The following RBFOX1 variants were observed in gnomAD, a reference collection of about 807,000 sequenced individuals.
The protein encoded by RBFOX1 is RNA binding protein fox-1 homolog 1.
RBFOX1 carries 8 observed loss-of-function variants against 57.7 expected under a neutral mutation model. The ratio of observed to expected loss-of-function variants is 0.14; its 90% CI spans 0.08 to 0.25. RBFOX1 has a LOEUF of 0.25. Among genes scored for constraint, RBFOX1 ranks in the 10% least tolerant of loss-of-function variants. The pLI is 1.00. For missense variants in RBFOX1, 611 were observed against 548.5 expected, an observed-to-expected ratio of 1.11 and a Z score of -1.14; for synonymous variants, 326 against 222.4, an observed-to-expected ratio of 1.47 and a Z score of -4.15.
intron 3 of RBFOX1, among the ~76,000 whole-genome samples, chr16:6,848,133 C>T (rs946147184): frequency 6.6e-6 from 1 of 151,952 alleles, no homozygotes; most frequent in African/African-American, 2.4e-5. Flanking sequence ...GTGCCCGATC[C>T]AAGACTGTCT....
intron 11 of RBFOX1, among the ~76,000 whole-genome samples, chr16:7,634,566 A>G (rs1596995332): frequency 6.6e-6 from 1 of 152,210 alleles, no homozygotes; most frequent in African/African-American, 2.4e-5. Context: ...TTTGCATAAC[A>G]GTGAGGTTTT....
At chr16:6,863,670 T>TTA (rs1555543044) in intron 3 of RBFOX1, among the ~76,000 whole-genome samples, 1 of 105,534 alleles carries the variant, frequency 9.5e-6, no homozygotes, top group African/African-American at 3.8e-5. Context: ...TTTTTTTCCT[T>TTA]AAAAAAAAAA....
chr16:7,251,914 A>G (rs2094512645), intron 4 of RBFOX1, among the ~76,000 whole-genome samples: 1 of 152,052 alleles, frequency 6.6e-6, no homozygotes, highest in Admixed American at 6.6e-5. Context: ...CCTCCATACC[A>G]TTTTTTTCAT....
intron 3 of RBFOX1, among the ~76,000 whole-genome samples, chr16:5,850,349 A>C (rs905415060): frequency 6.6e-6 from 1 of 152,244 alleles, no homozygotes; most frequent in African/African-American, 2.4e-5. Context: ...TGTGGCACTT[A>C]GTAAGAACAT....
intron 4 of RBFOX1, among the ~76,000 whole-genome samples, chr16:7,248,263 C>T (rs751888966): frequency 6.6e-6 from 1 of 152,170 alleles, no homozygotes; most frequent in African/African-American, 2.4e-5. Context: ...GGCACATGAA[C>T]GGCTTTGCAA....
At chr16:7,368,176 A>G (rs189757521) in intron 4 of RBFOX1, among the ~76,000 whole-genome samples, 225 of 151,402 alleles carry the variant, frequency 1.5e-3, no homozygotes, top group South Asian at 4.6e-3. Context: ...CTGAGGCAGG[A>G]GGATCGCTTG....
At chr16:5,782,888 A>G (rs550253140) in intron 3 of RBFOX1, among the ~76,000 whole-genome samples, 1 of 152,302 alleles carries the variant, frequency 6.6e-6, no homozygotes, top group East Asian at 1.9e-4. Context: ...GATGCAAGGA[A>G]GAAGAGGGTG....
chr16:6,396,097 A>T (rs984177479), intron 2 of RBFOX1, among the ~76,000 whole-genome samples: 1 of 151,028 alleles, frequency 6.6e-6, no homozygotes, highest in Non-Finnish European at 1.5e-5. Context: ...AGGACAACTA[A>T]CACCTTTACT....
intron 1 of RBFOX1, among the ~76,000 whole-genome samples, chr16:6,228,959 G>C (rs1358881293): frequency 6.6e-6 from 1 of 152,004 alleles, no homozygotes; most frequent in Non-Finnish European, 1.5e-5. Context: ...CAAAAGTAGA[G>C]GTGAAGGAAA....
At chr16:6,555,346 C>G (rs999195357) in intron 2 of RBFOX1, among the ~76,000 whole-genome samples, 4 of 152,070 alleles carry the variant, frequency 2.6e-5, no homozygotes, top group Middle Eastern at 3.2e-3. Flanking sequence ...AATGCGAAAG[C>G]TTGATGAAAT....
chr16:5,891,715 AG>A (rs1198482854), intron 4 of RBFOX1, among the ~76,000 whole-genome samples: 39 of 152,230 alleles, frequency 2.6e-4, no homozygotes, highest in Non-Finnish European at 1.6e-4. Context: ...CTGGGGAGAA[AG>A]GAACAGTGAG....
chr16:6,642,349 C>T (rs778848766), intron 2 of RBFOX1, among the ~76,000 whole-genome samples: 11 of 152,148 alleles, frequency 7.2e-5, no homozygotes, highest in East Asian at 1.9e-4. Flanking sequence ...TAATTAAAAG[C>T]GCTCTCATTA....
At chr16:7,143,509 G>A (rs941833994) in intron 4 of RBFOX1, among the ~76,000 whole-genome samples, 21 of 151,996 alleles carry the variant, frequency 1.4e-4, no homozygotes, top group African/African-American at 3.4e-4. Context: ...TCCTACCCCC[G>A]CCCCTGGAGG....
At chr16:6,999,125 T>C (rs1453686981) in intron 3 of RBFOX1, among the ~76,000 whole-genome samples, 1 of 151,574 alleles carries the variant, frequency 6.6e-6, no homozygotes, top group Non-Finnish European at 1.5e-5. Flanking sequence ...CGCCTCTGCC[T>C]CCCAAAGTAC....
chr16:6,448,280 C>T (rs1357197660), intron 2 of RBFOX1, among the ~76,000 whole-genome samples: 2 of 146,988 alleles, frequency 1.4e-5, no homozygotes, highest in African/African-American at 5.0e-5. Flanking sequence ...CTATCTTAGC[C>T]TCCCAAGTAG....
At chr16:7,274,541 G>C (rs909833216) in intron 4 of RBFOX1, among the ~76,000 whole-genome samples, 3 of 152,080 alleles carry the variant, frequency 2.0e-5, no homozygotes, top group African/African-American at 7.2e-5. Context: ...CTCTGTACTT[G>C]CTTCTGACAC....
chr16:7,042,916 A>C (rs2046649358), intron 3 of RBFOX1, among the ~76,000 whole-genome samples: 1 of 152,208 alleles, frequency 6.6e-6, no homozygotes, highest in Non-Finnish European at 1.5e-5. Context: ...ACAGAGGAAG[A>C]CTTTGTTTCA....
At chr16:5,873,429 T>G (rs1382982728) in intron 4 of RBFOX1, among the ~76,000 whole-genome samples, 1 of 152,220 alleles carries the variant, frequency 6.6e-6, no homozygotes, top group East Asian at 1.9e-4. Context: ...CCAGTCATGC[T>G]TTGATAGTCA....
At chr16:7,166,655 A>C (rs1284882019) in intron 4 of RBFOX1, among the ~76,000 whole-genome samples, 1 of 152,128 alleles carries the variant, frequency 6.6e-6, no homozygotes, top group Non-Finnish European at 1.5e-5. Context: ...CTGGTGAGGA[A>C]GGGGTGAGTG....
Sources: gnomAD v4.1 joint callset for allele counts (sites outside exome capture counted in the v4.1 genomes callset) on GRCh38, gnomAD v4.1.1 for gene constraint, MANE v1.5 for transcripts, NCBI Gene and HGNC (gene_info 2026-07-23, HGNC 2026-07-21) for gene names.